The following SPARCL1 variants were observed in gnomAD, a reference collection of about 807,000 sequenced individuals.
SPARCL1 encodes SPARC-like protein 1.
SPARCL1 carries 52 observed loss-of-function variants against 67.1 expected under a neutral mutation model. That is an observed-to-expected ratio of 0.78 (90% CI 0.62 to 0.98). The LOEUF is 0.98. SPARCL1 is among the 50% of genes least tolerant of loss of function. The pLI, the probability that SPARCL1 is intolerant of heterozygous loss-of-function variation, is 0.00. For missense variants in SPARCL1, 717 were observed against 782.4 expected, an observed-to-expected ratio of 0.92 and a Z score of 1.00; for synonymous variants, 226 against 267.8, an observed-to-expected ratio of 0.84 and a Z score of 1.52.
rs760062294 is a variant in SPARCL1, at chr4:87,491,823, G to A, written c.1219-133C>T. ...TTTCAAATCTCAGAAAGGGAAACCA[G>A]GCTGGGTGTGGTGGCTCACATGTGT... On this transcript the variant is annotated intron_variant, in intron 4 of 10. Coordinates refer to ENST00000282470, the MANE Select transcript of SPARCL1 (RefSeq NM_004684.6). The A allele has an allele frequency of 7.9e-5, 55 of 696,054 alleles. No homozygotes were observed. The Middle Eastern group carries it at 2.3e-3, about 29-fold the overall frequency. 43.1% of individuals were successfully genotyped at this position (696,054 alleles called of 1,614,324 possible). A position where few individuals can be genotyped will look rare whatever the true frequency, so the allele number is the denominator to read the frequency against.
chr4:87,481,923 C>G (rs1723838800), intron 8 of SPARCL1, among the ~76,000 whole-genome samples: 1 of 152,126 alleles, frequency 6.6e-6, no homozygotes, highest in Non-Finnish European at 1.5e-5. Flanking sequence ...GTATTTAGGT[C>G]AATTTCTGGC....
At chr4:87,526,069 T>C (rs6840772) in intron 1 of SPARCL1, among the ~76,000 whole-genome samples, 45,910 of 152,158 alleles carry the variant, frequency 0.3, 7,590 homozygotes, top group South Asian at 0.42. Flanking sequence ...TGTTGGGGGC[T>C]TTCCCTCTTG....
At chr4:87,517,590 C>T (rs1178342585) in intron 1 of SPARCL1, among the ~76,000 whole-genome samples, 1 of 152,088 alleles carries the variant, frequency 6.6e-6, no homozygotes, top group Non-Finnish European at 1.5e-5. Context: ...AATTTCTTTC[C>T]CCTGAATGCC....
intron 1 of SPARCL1, among the ~76,000 whole-genome samples, chr4:87,519,074 C>CTT (rs575830674): frequency 6.2e-5 from 9 of 145,688 alleles, no homozygotes; most frequent in South Asian, 2.2e-4. Flanking sequence ...AAGTCCCTAT[C>CTT]TTTTTTTTTT....
chr4:87,525,730 G>A (rs1726011280), intron 1 of SPARCL1, among the ~76,000 whole-genome samples: 1 of 152,152 alleles, frequency 6.6e-6, no homozygotes, highest in African/African-American at 2.4e-5. Flanking sequence ...GTAATAGGAA[G>A]GAAACAAGCC....
At chr4:87,511,967 C>CTCTTTTTT (rs71667858) in intron 1 of SPARCL1, among the ~76,000 whole-genome samples, 1,857 of 121,472 alleles carry the variant, frequency 0.015, 80 homozygotes, top group African/African-American at 0.056. Context: ...CTTTCTTTCT[C>CTCTTTTTT]TTTTTTTTTT....
chr4:87,479,382 T>G, intron 10 of SPARCL1, 48 bp downstream of exon 10: 1 of 1,590,100 alleles, frequency 6.3e-7, no homozygotes, highest in African/African-American at 1.3e-5. Flanking sequence ...GCTTAGGGCT[T>G]GTCTGAGGAA....
intron 10 of SPARCL1, 118 bp downstream of exon 10, chr4:87,479,312 C>CT (rs200366320): frequency 2.2e-3 from 2,412 of 1,094,450 alleles, no homozygotes; most frequent in Middle Eastern, 2.9e-3. Context: ...AAGCTGCCAC[C>CT]TTTTTTTTTC....
intron 7 of SPARCL1, among the ~76,000 whole-genome samples, chr4:87,484,650 A>G (rs1723977189): frequency 6.6e-6 from 1 of 152,130 alleles, no homozygotes. Flanking sequence ...GATAGGATTG[A>G]ATCTATAAAT....
At chr4:87,497,910 G>C (rs1200632393) in intron 2 of SPARCL1, among the ~76,000 whole-genome samples, 1 of 152,090 alleles carries the variant, frequency 6.6e-6, no homozygotes, top group African/African-American at 2.4e-5. Flanking sequence ...ACATGCCATG[G>C]CAGCTGGCTA....
intron 1 of SPARCL1, among the ~76,000 whole-genome samples, chr4:87,517,189 G>A (rs1473858205): frequency 6.6e-6 from 1 of 152,004 alleles, no homozygotes; most frequent in Non-Finnish European, 1.5e-5. Context: ...TGTATTTGGG[G>A]TATAGACATT....
Position 87,521,250 on chromosome 4 carries a change from T to G in SPARCL1, c.-12+7795A>C, listed in dbSNP as rs73840207. Among the ~76,000 whole-genome samples the G allele has an allele frequency of 5.9e-3, 897 of 152,308 alleles. 16 individuals are homozygous for G. The highest frequency in any genetic ancestry group is 0.02 in the African/African-American group (842 of 41,562). Reference sequence around the variant, plus strand: ...AAGTTCTGTATATTGCCATGCCACTTAAATCAACTTAGCACACCTGCTCCC... The same window carrying G: ...AAGTTCTGTATATTGCCATGCCACTGAAATCAACTTAGCACACCTGCTCCC... On this transcript the variant is annotated intron_variant, in intron 1 of 10. Transcript: ENST00000282470.
chr4:87,499,544 A>G lies in SPARCL1; in HGVS notation c.31T>C (p.Leu11=), dbSNP rs2110235773. 1 of 1,598,304 alleles carries G rather than the reference A, an allele frequency of 6.3e-7. No homozygotes were observed. The change falls in exon 2 of 11, where the codon TTG becomes CTG. Residue 11 remains leucine (L), a synonymous_variant. Transcript: ENST00000282470. ...ACCGGGATTGCAGCTGCAGTTCCCA[A>G]GAGACATAGGAAAAAAAGCCCAGTC... is the stretch of plus-strand genomic sequence containing the variant. The part of the protein sequence containing the change: MKTGLFFLCL[L]GTAAAIPTNA...
intron 1 of SPARCL1, among the ~76,000 whole-genome samples, chr4:87,505,720 A>G (rs1725044426): frequency 8.4e-6 from 1 of 118,676 alleles, no homozygotes; most frequent in East Asian, 3.6e-4. Flanking sequence ...ATGCTCAGCT[A>G]ATTGTTTTTT....
At chr4:87,523,951 T>C (rs1725929785) in intron 1 of SPARCL1, among the ~76,000 whole-genome samples, 1 of 152,208 alleles carries the variant, frequency 6.6e-6, no homozygotes, top group Non-Finnish European at 1.5e-5. Context: ...ACCATTTTCA[T>C]AACTACATAG....
intron 1 of SPARCL1, among the ~76,000 whole-genome samples, chr4:87,524,807 C>T (rs1186209669): frequency 6.6e-6 from 1 of 152,090 alleles, no homozygotes; most frequent in African/African-American, 2.4e-5. Flanking sequence ...ATAACAAAAC[C>T]ATGAAAAAGA....
At chr4:87,498,047 C>G (rs1724694463) in intron 2 of SPARCL1, among the ~76,000 whole-genome samples, 1 of 152,210 alleles carries the variant, frequency 6.6e-6, no homozygotes, top group African/African-American at 2.4e-5. Flanking sequence ...GTAGGAGCCA[C>G]TGTGCGTGGC....
At chr4:87,484,995 A>G (rs978807417) in intron 7 of SPARCL1, among the ~76,000 whole-genome samples, 3 of 151,992 alleles carry the variant, frequency 2.0e-5, no homozygotes, top group South Asian at 2.1e-4. Flanking sequence ...TAAATATGCA[A>G]TCATGTCATC....
In SPARCL1 at chr4:87,494,363, C is replaced by A; in HGVS notation, c.437G>T (p.Ser146Ile). 1 of 1,614,210 alleles carries A rather than the reference C, an allele frequency of 6.2e-7. No individual in the cohort carries two copies. Among genetic ancestry groups the A allele is most frequent in the Non-Finnish European group, 8.5e-7 (1 of 1,180,048 alleles). Reference sequence around the variant, plus strand: ...TTGTTGGTTAGAATCTGTGAAGGAACTAACACCAGGAGCCAAAAAATCAGT... The same window carrying A: ...TTGTTGGTTAGAATCTGTGAAGGAAATAACACCAGGAGCCAAAAAATCAGT... Reference protein sequence around the residue: ...ENTDFLAPGVSSFTDSNQQES... With the variant: ...ENTDFLAPGVISFTDSNQQES... Residue 146 changes from serine to isoleucine, a missense_variant, in exon 4 of 11, where the codon AGT becomes ATT. Coordinates refer to ENST00000282470, the MANE Select transcript of SPARCL1 (RefSeq NM_004684.6).
Sources: gnomAD v4.1 joint callset for allele counts (sites outside exome capture counted in the v4.1 genomes callset) on GRCh38, gnomAD v4.1.1 for gene constraint, MANE v1.5 for transcripts, NCBI Gene and HGNC (gene_info 2026-07-23, HGNC 2026-07-21) for gene names.